Variants in NHLRC4 observed in about 807,000 individuals in gnomAD.
NHLRC4 encodes the protein NHL repeat containing 4, also known as NHL-repeat-containing protein 4.
For synonymous variants in NHLRC4, 73 were observed against 69.0 expected, an observed-to-expected ratio of 1.06 and a Z score of -0.29; for missense variants, 158 against 155.4, an observed-to-expected ratio of 1.02 and a Z score of -0.09.
Position 567,850 on chromosome 16 carries a change from C to A in NHLRC4, c.-198C>A. On this transcript the variant is annotated 5_prime_UTR_variant, in exon 2 of 2. Transcript: ENST00000424439. Reference sequence around the variant, plus strand: ...GTCAGGGCTTGTGGTGGTCAGCGATCCCATCCATGGGGCTGTCCATGCACT... The same window carrying A: ...GTCAGGGCTTGTGGTGGTCAGCGATACCATCCATGGGGCTGTCCATGCACT... 1.7e-6 allele frequency: 1 copy of A among 574,070 alleles called. No individual in the cohort carries two copies. Among genetic ancestry groups the A allele is most frequent in the Non-Finnish European group, 3.0e-6 (1 of 333,666 alleles). 35.6% of individuals were successfully genotyped at this position (574,070 alleles called of 1,614,324 possible).
rs1448678145 is a variant in NHLRC4 at position 568,223 on chromosome 16, A to G, written c.176A>G (p.Glu59Gly). ...CCAGCGGGCATCTGCTCCAACTCAG[A>G]GGGCAATGTTATTGTGGCAGACGAG... ...GCPAGICSNS[E>G]GNVIVADEQR... Residue 59 changes from glutamate to glycine, a missense_variant, in exon 2 of 2, where the codon GAG becomes GGG. Transcript: ENST00000424439. The G allele has an allele frequency of 6.8e-6, 11 of 1,612,292 alleles. No homozygotes were observed. Among genetic ancestry groups the G allele is most frequent in the Non-Finnish European group, 9.3e-6 (11 of 1,179,682 alleles).
chr16:568,963 C>T lies in NHLRC4; in HGVS notation c.*544C>T, dbSNP rs1350414853. The T allele has an allele frequency of 6.0e-6, 1 of 166,682 alleles. No individual in the cohort carries two copies. Among genetic ancestry groups the T allele is most frequent in the East Asian group, 1.9e-4 (1 of 5,216 alleles). 10.3% of individuals were successfully genotyped at this position (166,682 alleles called of 1,614,324 possible). ...CAGAGGGACCTAGAGTCCTGAGCCTCCAGTAGCTTCTCTGGGCCTGGCAGA... is the reference window on the plus strand; with the variant it reads ...CAGAGGGACCTAGAGTCCTGAGCCTTCAGTAGCTTCTCTGGGCCTGGCAGA... On this transcript the variant is annotated 3_prime_UTR_variant, in exon 2 of 2. Coordinates refer to ENST00000424439, the MANE Select transcript of NHLRC4 (RefSeq NM_001301159.2).
rs983044731 is a variant in NHLRC4 at position 567,965 on chromosome 16, G to A, written c.-83G>A. On this transcript the variant is annotated 5_prime_UTR_variant, in exon 2 of 2. Transcript: ENST00000424439. Reference sequence around the variant, plus strand: ...GGGCTGGCTGTGGATGCCCTCAACCGCCTCCTGGTGACGGACTACTTGCCT... The same window carrying A: ...GGGCTGGCTGTGGATGCCCTCAACCACCTCCTGGTGACGGACTACTTGCCT... 18 of 1,405,666 alleles carry A rather than the reference G, an allele frequency of 1.3e-5. No homozygotes were observed. In the South Asian group the frequency reaches 1.5e-4, roughly 12 times the overall value. The allele number at this position is 1,405,666 out of a possible 1,614,324, so 87.1% of individuals were successfully genotyped here. A position where few individuals can be genotyped will look rare whatever the true frequency, so the allele number is the denominator to read the frequency against.
rs1325657233 is a variant in NHLRC4 at position 568,147 on chromosome 16, C to T, written c.100C>T (p.Arg34Cys). ...GGATGTGAGGCTGTTTGGCAGTGCCCGCCAACCCCTGGGCTCCCTGGGGGG... is the reference window on the plus strand; with the variant it reads ...GGATGTGAGGCTGTTTGGCAGTGCCTGCCAACCCCTGGGCTCCCTGGGGGG... ...FGDVRLFGSA[R>C]QPLGSLGGWT... The change falls in exon 2 of 2, where the codon CGC becomes TGC. Residue 34 changes from arginine to cysteine, a missense_variant. Arg to Cys is a radical substitution (Grantham distance 180). Transcript: ENST00000424439. 5 of 1,608,178 alleles carry T rather than the reference C, an allele frequency of 3.1e-6. No individual in the cohort carries two copies. The highest frequency in any genetic ancestry group is 1.1e-5 in the South Asian group (1 of 90,556).
Position 568,661 on chromosome 16 carries a change from C to T in NHLRC4, c.*242C>T. 1.8e-6 allele frequency: 1 copy of T among 566,954 alleles called. No individual in the cohort carries two copies. Among genetic ancestry groups the T allele is most frequent in the Non-Finnish European group, 3.2e-6 (1 of 316,364 alleles). The allele number at this position is 566,954 out of a possible 1,614,324, so 35.1% of individuals were successfully genotyped here. A position where few individuals can be genotyped will look rare whatever the true frequency, so the allele number is the denominator to read the frequency against. ...CTGCCCCTGCCAGGCCTGCAGCCTC[C>T]CCAGCCAGGGCTGCTCTCTGCTGTC... On this transcript the variant is annotated 3_prime_UTR_variant, in exon 2 of 2. Coordinates refer to ENST00000424439, the MANE Select transcript of NHLRC4 (RefSeq NM_001301159.2).
At position 568,363 on chromosome 16, in the gene NHLRC4, G is replaced by A; in HGVS notation, c.316G>A (p.Ala106Thr). 6.2e-7 allele frequency: 1 copy of A among 1,611,658 alleles called. No individual in the cohort carries two copies. Among genetic ancestry groups the A allele is most frequent in the Non-Finnish European group, 8.5e-7 (1 of 1,179,558 alleles). Residue 106 changes from alanine (A) to threonine (T), a missense_variant, in exon 2 of 2, where the codon GCT becomes ACT. By Grantham distance (58) the Ala-to-Thr change is moderately conservative (BLOSUM62 0). Transcript: ENST00000424439. The part of the protein sequence containing the change: ...ACAPQGQLLV[A>T]DAKDNSIKVY... ...TGCACCCCAGGGCCAGCTCCTGGTG[G>A]CTGATGCCAAGGACAACTCCATCAA...
rs2151039931 is a variant in NHLRC4 at position 567,888 on chromosome 16, C to T, written c.-160C>T. The T allele has an allele frequency of 9.4e-6, 7 of 742,840 alleles. No homozygotes were observed. In the South Asian group the frequency reaches 1.4e-4, roughly 14 times the overall value. 46.0% of individuals were successfully genotyped at this position (742,840 alleles called of 1,614,324 possible). A position where few individuals can be genotyped will look rare whatever the true frequency, so the allele number is the denominator to read the frequency against. On this transcript the variant is annotated 5_prime_UTR_variant, in exon 2 of 2. Coordinates refer to ENST00000424439, the MANE Select transcript of NHLRC4 (RefSeq NM_001301159.2). ...CTGTCCATGCACTCCAGCACACAGC[C>T]CGGGACCCCGGGGGCCACTGGGTGA...
chr16:568,296 C>T lies in NHLRC4; in HGVS notation c.249C>T (p.Cys83=). The T allele has an allele frequency of 1.2e-6, 2 of 1,612,064 alleles. No homozygotes were observed. Among genetic ancestry groups the T allele is most frequent in the Non-Finnish European group, 1.7e-6 (2 of 1,179,602 alleles). Residue 83 remains cysteine (C), a synonymous_variant, in exon 2 of 2, where the codon TGC becomes TGT. Coordinates refer to ENST00000424439, the MANE Select transcript of NHLRC4 (RefSeq NM_001301159.2). ...TLFPRAGPPI[C]LVSEGLGQPL... is the part of the protein sequence containing the mutation. The stretch of plus-strand genomic sequence containing the variant: ...TTCCCCGGGCTGGGCCACCCATCTG[C>T]CTGGTGTCAGAGGGGCTTGGGCAGC...
chr16:568,526 C>T lies in NHLRC4; in HGVS notation c.*107C>T. On this transcript the variant is annotated 3_prime_UTR_variant, in exon 2 of 2. Transcript: ENST00000424439. ...ATGGGTGGAGCCTCCAGGCTATGGG[C>T]ATTGCCTGCCTGATGCCAGCACCAC... 2.4e-6 allele frequency: 3 copies of T among 1,262,936 alleles called. No individual in the cohort carries two copies. Among genetic ancestry groups the T allele is most frequent in the Non-Finnish European group, 3.2e-6 (3 of 929,416 alleles). 78.2% of individuals were successfully genotyped at this position (1,262,936 alleles called of 1,614,324 possible).
Position 568,079 on chromosome 16 carries a change from G to A in NHLRC4, c.32G>A (p.Gly11Asp). ...GGTCTGGAGGGCCCCTGCTGGGTGG[G>A]CCCAGGGCCTGATGGGGGCCTTGCT... is the stretch of plus-strand genomic sequence containing the variant. MLGLEGPCWV[G>D]PGPDGGLAVS... Residue 11 changes from glycine to aspartate, a missense_variant, in exon 2 of 2, where the codon GGC becomes GAC. Coordinates refer to ENST00000424439, the MANE Select transcript of NHLRC4 (RefSeq NM_001301159.2). The A allele has an allele frequency of 6.4e-7, 1 of 1,557,606 alleles. No individual in the cohort carries two copies.
chr16:568,659 TC>T lies in NHLRC4; in HGVS notation c.*244del. On this transcript the variant is annotated 3_prime_UTR_variant, in exon 2 of 2. Transcript: ENST00000424439. Reference sequence around the variant, plus strand: ...GGCTGCCCCTGCCAGGCCTGCAGCCTCCCCAGCCAGGGCTGCTCTCTGCTGT... The same window carrying T: ...GGCTGCCCCTGCCAGGCCTGCAGCCTCCCAGCCAGGGCTGCTCTCTGCTGT... The T allele has an allele frequency of 1.8e-6, 1 of 564,604 alleles. No individual in the cohort carries two copies. The allele number at this position is 564,604 out of a possible 1,614,324, so 35.0% of individuals were successfully genotyped here.
chr16:568,164 C>T lies in NHLRC4; in HGVS notation c.117C>T (p.Ser39=), dbSNP rs748540470. The T allele has an allele frequency of 1.7e-5, 27 of 1,610,968 alleles. No homozygotes were observed. Among genetic ancestry groups the T allele is most frequent in the Middle Eastern group, 1.6e-4 (1 of 6,076 alleles). Residue 39 remains serine, a synonymous_variant, in exon 2 of 2, where the codon TCC becomes TCT. Coordinates refer to ENST00000424439, the MANE Select transcript of NHLRC4 (RefSeq NM_001301159.2). ...LFGSARQPLG[S]LGGWTGHTFG... ...GCAGTGCCCGCCAACCCCTGGGCTC[C>T]CTGGGGGGCTGGACGGGGCACACTT...
Position 568,197 on chromosome 16 carries a change from C to T in NHLRC4, c.150C>T (p.Cys50=), listed in dbSNP as rs755009313. The stretch of plus-strand genomic sequence containing the variant: ...GCTGGACGGGGCACACTTTCGGCTG[C>T]CCAGCGGGCATCTGCTCCAACTCAG... ...LGGWTGHTFG[C]PAGICSNSEG... Residue 50 remains cysteine (C), a synonymous_variant, in exon 2 of 2, where the codon TGC becomes TGT. Transcript: ENST00000424439. 8.6e-5 allele frequency: 138 copies of T among 1,611,612 alleles called. No individual in the cohort carries two copies. Among genetic ancestry groups the T allele is most frequent in the Non-Finnish European group, 1.1e-4 (125 of 1,179,452 alleles).
rs1302328398 is a variant in NHLRC4 at position 569,381 on chromosome 16, CTCCCCTGTATCACAGGACA to C, written c.*968_*986del. 1 of 166,894 alleles carries C rather than the reference CTCCCCTGTATCACAGGACA, an allele frequency of 6.0e-6. No individual in the cohort carries two copies. Among genetic ancestry groups the C allele is most frequent in the Non-Finnish European group, 1.5e-5 (1 of 68,196 alleles). The allele number at this position is 166,894 out of a possible 1,614,324, so 10.3% of individuals were successfully genotyped here. ...ACCCCTGTGGGGTGGGGAGGTGGGG[CTCCCCTGTATCACAGGACA>C]TCCCCCCTGAGAGGTCCCTCATATG... On this transcript the variant is annotated 3_prime_UTR_variant, in exon 2 of 2. Transcript: ENST00000424439.
rs1423975247 is a variant in NHLRC4, at chr16:568,359, G to A, written c.312G>A (p.Leu104=). ...GVACAPQGQL[L]VADAKDNSIK... Reference sequence around the variant, plus strand: ...CCTGTGCACCCCAGGGCCAGCTCCTGGTGGCTGATGCCAAGGACAACTCCA... The same window carrying A: ...CCTGTGCACCCCAGGGCCAGCTCCTAGTGGCTGATGCCAAGGACAACTCCA... Residue 104 remains leucine (L), a synonymous_variant, in exon 2 of 2, where the codon CTG becomes CTA. Coordinates refer to ENST00000424439, the MANE Select transcript of NHLRC4 (RefSeq NM_001301159.2). 1 of 1,611,676 alleles carries A rather than the reference G, an allele frequency of 6.2e-7. No individual in the cohort carries two copies. The highest frequency in any genetic ancestry group is 2.2e-5 in the East Asian group (1 of 44,838).
Position 568,534 on chromosome 16 carries a change from GCCT to G in NHLRC4, c.*116_*118del. The G allele has an allele frequency of 5.0e-6, 6 of 1,199,056 alleles. No individual in the cohort carries two copies. The highest frequency in any genetic ancestry group is 1.6e-5 in the South Asian group (1 of 62,332). The allele number at this position is 1,199,056 out of a possible 1,614,324, so 74.3% of individuals were successfully genotyped here. ...AGCCTCCAGGCTATGGGCATTGCCT[GCCT>G]GATGCCAGCACCACCTGGGCTGGGC... On this transcript the variant is annotated 3_prime_UTR_variant, in exon 2 of 2. Coordinates refer to ENST00000424439, the MANE Select transcript of NHLRC4 (RefSeq NM_001301159.2).
Position 568,371 on chromosome 16 carries a change from C to T in NHLRC4, c.324C>T (p.Ala108=). 1 of 1,611,812 alleles carries T rather than the reference C, an allele frequency of 6.2e-7. No individual in the cohort carries two copies. The highest frequency in any genetic ancestry group is 8.5e-7 in the Non-Finnish European group (1 of 1,179,622). Residue 108 remains alanine, a synonymous_variant, in exon 2 of 2, where the codon GCC becomes GCT. Coordinates refer to ENST00000424439, the MANE Select transcript of NHLRC4 (RefSeq NM_001301159.2). The part of the protein sequence containing the change: ...APQGQLLVAD[A]KDNSIKVYQG... ...AGGGCCAGCTCCTGGTGGCTGATGCCAAGGACAACTCCATCAAGGTGTACC... is the reference window on the plus strand; with the variant it reads ...AGGGCCAGCTCCTGGTGGCTGATGCTAAGGACAACTCCATCAAGGTGTACC...
rs1201707212 is a variant in NHLRC4 at position 568,418 on chromosome 16, G to A, written c.371G>A (p.Ter124=). Residue 124 remains the stop codon, a stop_retained_variant, in exon 2 of 2, where the codon TGA becomes TAA. Coordinates refer to ENST00000424439, the MANE Select transcript of NHLRC4 (RefSeq NM_001301159.2). ...KVYQGLKELA[*] ...TACCAGGGCCTCAAGGAGCTGGCCT[G>A]ACCTGAGGCTGGGTTGGAGCAGCCC... 6.2e-7 allele frequency: 1 copy of A among 1,608,420 alleles called. No individual in the cohort carries two copies. Among genetic ancestry groups the A allele is most frequent in the Admixed American group, 1.7e-5 (1 of 59,738 alleles).
chr16:568,530 G>A lies in NHLRC4; in HGVS notation c.*111G>A. 1 of 1,240,186 alleles carries A rather than the reference G, an allele frequency of 8.1e-7. No homozygotes were observed. Among genetic ancestry groups the A allele is most frequent in the Non-Finnish European group, 1.1e-6 (1 of 909,010 alleles). 76.8% of individuals were successfully genotyped at this position (1,240,186 alleles called of 1,614,324 possible). ...GTGGAGCCTCCAGGCTATGGGCATT[G>A]CCTGCCTGATGCCAGCACCACCTGG... On this transcript the variant is annotated 3_prime_UTR_variant, in exon 2 of 2. Transcript: ENST00000424439.
Sources: gnomAD v4.1 joint callset for allele counts on GRCh38, gnomAD v4.1.1 for gene constraint, MANE v1.5 for transcripts, NCBI Gene and HGNC (gene_info 2026-07-23, HGNC 2026-07-21) for gene names.